ADAMTS18: variants seen among roughly 807,000 people sequenced by gnomAD.
ADAMTS18 encodes A disintegrin and metalloproteinase with thrombospondin motifs 18.
A neutral mutation model predicts 165.9 loss-of-function variants in ADAMTS18; 157 were observed. The ratio of observed to expected loss-of-function variants is 0.95; its 90% confidence interval spans 0.83 to 1.08. The LOEUF (loss-of-function observed/expected upper bound fraction) is 1.08, where lower values mean the gene tolerates loss of function less well. Ranked by LOEUF, ADAMTS18 falls within the 50% of genes least tolerant of loss-of-function variation. ADAMTS18 has a pLI of 0.00. For synonymous variants in ADAMTS18, 782 were observed against 578.2 expected (o/e 1.35, Z -5.06); for missense variants, 2,040 against 1,534.0 (o/e 1.33, Z -5.51).
intron 3 of ADAMTS18, among the ~76,000 whole-genome samples, chr16:77,398,582 G>C (rs141655864): frequency 1.3e-5 from 2 of 152,238 alleles, no homozygotes; most frequent in African/African-American, 2.4e-5. Context: ...TCTAGATCAC[G>C]GTTTCTCAGT....
At chr16:77,330,747 G>A (rs1310687587) in intron 12 of ADAMTS18, among the ~76,000 whole-genome samples, 1 of 152,150 alleles carries the variant, frequency 6.6e-6, no homozygotes, top group Non-Finnish European at 1.5e-5. Flanking sequence ...GTAAATCTAT[G>A]AATCAGCCAA....
chr16:77,288,378 C>G (rs1334838206), intron 22 of ADAMTS18, among the ~76,000 whole-genome samples: 1 of 150,252 alleles, frequency 6.7e-6, no homozygotes, highest in African/African-American at 2.4e-5. Context: ...TGATCTGGCT[C>G]TGAGTAACTG....
In ADAMTS18 at chr16:77,286,123, C is replaced by A. The variant is rs765336607; in HGVS notation, c.3551-2052G>T. ...ACCTTGTTTCTTGTACTCCAAGCAT[C>A]GTGCCATTCCTCAATTAGATTAGTA... On this transcript the variant is annotated intron_variant, in intron 22 of 22. Transcript: ENST00000282849. 3.3e-5 allele frequency among the ~76,000 whole-genome samples: 5 copies of A among 152,256 alleles called. No individual in the cohort carries two copies. The South Asian group carries it at 6.2e-4, about 19-fold the overall frequency.
chr16:77,373,494 G>C (rs2056906325), intron 3 of ADAMTS18, among the ~76,000 whole-genome samples: 2 of 150,670 alleles, frequency 1.3e-5, no homozygotes, highest in South Asian at 4.2e-4. Flanking sequence ...GAAAAGAAAA[G>C]AAAAAAAAGT....
chr16:77,371,749 A>G (rs1597186512), intron 3 of ADAMTS18, among the ~76,000 whole-genome samples: 1 of 152,208 alleles, frequency 6.6e-6, no homozygotes, highest in African/African-American at 2.4e-5. Flanking sequence ...AGCACAGGCA[A>G]CAAAAGCAAA....
intron 14 of ADAMTS18, among the ~76,000 whole-genome samples, 177 bp downstream of exon 14, chr16:77,322,154 CAAAAA>C (rs36089291): frequency 2.7e-5 from 2 of 73,344 alleles, no homozygotes; most frequent in African/African-American, 5.9e-5. Context: ...AATTTCATCT[CAAAAA>C]AAAAAAAAAA....
chr16:77,407,609 G>T (rs2057409614), intron 3 of ADAMTS18, among the ~76,000 whole-genome samples: 1 of 152,020 alleles, frequency 6.6e-6, no homozygotes, highest in Non-Finnish European at 1.5e-5. Context: ...TTTAAAAAGT[G>T]AAATAAAATA....
intron 3 of ADAMTS18, among the ~76,000 whole-genome samples, chr16:77,388,070 G>A (rs924852573): frequency 2.6e-5 from 4 of 152,086 alleles, no homozygotes; most frequent in Admixed American, 6.6e-5. Context: ...TAGGCACTAC[G>A]CACTCTGCAA....
At chr16:77,387,132 T>C (rs994838921) in intron 3 of ADAMTS18, among the ~76,000 whole-genome samples, 3 of 152,208 alleles carry the variant, frequency 2.0e-5, no homozygotes, top group Non-Finnish European at 4.4e-5. Context: ...ACTCGCTACA[T>C]GTAACTGAGA....
chr16:77,359,444 A>G (rs374246451), intron 7 of ADAMTS18, 21 bp from the exon 8 acceptor site: 2 of 1,600,610 alleles, frequency 1.2e-6, no homozygotes, highest in Admixed American at 1.7e-5. Context: ...AGCAGTTTCA[A>G]ATGTGAATCC....
chr16:77,429,673 A>C (rs561015158), intron 3 of ADAMTS18, among the ~76,000 whole-genome samples: 1 of 152,300 alleles, frequency 6.6e-6, no homozygotes, highest in South Asian at 2.1e-4. Context: ...TGATAATATT[A>C]ATCTATTACT....
At chr16:77,289,128 GCACTGT>G in intron 22 of ADAMTS18, 130 bp downstream of exon 22, 1 of 1,090,938 alleles carries the variant, frequency 9.2e-7, no homozygotes, top group Admixed American at 1.7e-5. Context: ...ACTCCAGGGA[GCACTGT>G]CACATAGACT....
rs1300937701 is a variant in ADAMTS18, at chr16:77,362,313, G to A, written c.1057-49C>T. 2.5e-6 allele frequency: 4 copies of A among 1,596,766 alleles called. No individual in the cohort carries two copies. The South Asian group carries it at 4.4e-5, about 18-fold the overall frequency. On this transcript the variant is annotated intron_variant, in intron 6 of 22. Transcript: ENST00000282849. ...AAGTGTGAATTTGTCACAGAGATGA[G>A]AATGCTGAATCATTCCATTTGTACA...
chr16:77,288,713 T>G (rs959442912), intron 22 of ADAMTS18, among the ~76,000 whole-genome samples: 9 of 152,202 alleles, frequency 5.9e-5, no homozygotes, highest in Admixed American at 2.0e-4. Context: ...TATGAGCTCC[T>G]TGAGGGCTAT....
chr16:77,397,290 A>C (rs1310504363), intron 3 of ADAMTS18, among the ~76,000 whole-genome samples: 1 of 152,254 alleles, frequency 6.6e-6, no homozygotes, highest in Non-Finnish European at 1.5e-5. Flanking sequence ...TGTATACAAA[A>C]GAAGGGCAGA....
intron 13 of ADAMTS18, among the ~76,000 whole-genome samples, chr16:77,324,038 A>C (rs1475381843): frequency 6.6e-6 from 1 of 152,234 alleles, no homozygotes. Context: ...CTTTCTCCTT[A>C]TATCTTCAAC....
chr16:77,358,179 ATGTG>A (rs137864349), intron 8 of ADAMTS18, among the ~76,000 whole-genome samples: 1 of 151,752 alleles, frequency 6.6e-6, no homozygotes, highest in African/African-American at 2.4e-5. Flanking sequence ...GTGTGTCTAA[ATGTG>A]TGTGTGTGTG....
Position 77,389,526 on chromosome 16 carries a change from C to T in ADAMTS18, c.496-21803G>A, listed in dbSNP as rs566182507. Among the ~76,000 whole-genome samples, 12 of 152,050 alleles carry T rather than the reference C, an allele frequency of 7.9e-5. No homozygotes were observed. The East Asian group carries it at 1.3e-3, about 17-fold the overall frequency. The stretch of plus-strand genomic sequence containing the variant: ...GGGCCAGGCACTGAAGTAGGACCTG[C>T]GAATAAGTAATGGAGCAGGGCTGAA... On this transcript the variant is annotated intron_variant, in intron 3 of 22. Transcript: ENST00000282849.
intron 16 of ADAMTS18, among the ~76,000 whole-genome samples, chr16:77,307,554 G>A (rs1355098298): frequency 3.3e-5 from 5 of 152,104 alleles, no homozygotes; most frequent in South Asian, 2.1e-4. Context: ...TCTCTAACCC[G>A]TCACAAAAGT....
Sources: allele counts gnomAD v4.1 joint callset (sites outside exome capture counted in the v4.1 genomes callset), GRCh38; gene constraint gnomAD v4.1.1; transcripts MANE v1.5; gene names NCBI Gene and HGNC (gene_info 2026-07-23, HGNC 2026-07-21).